WSB2: variants seen among roughly 807,000 people sequenced by gnomAD.
The protein encoded by WSB2 is WD repeat and SOCS box containing 2, also known as WD repeat and SOCS box-containing protein 2.
A neutral mutation model predicts 48.8 loss-of-function variants in WSB2; 12 were observed. The ratio of observed to expected loss-of-function variants is 0.25; its 90% CI spans 0.16 to 0.40. The LOEUF (loss-of-function observed/expected upper bound fraction) is 0.40. Ranked by LOEUF, WSB2 falls within the 10% of genes least tolerant of loss-of-function variation. The pLI is 1.00. For synonymous variants in WSB2, 191 were observed against 203.1 expected (o/e 0.94, Z 0.51); for missense variants, 317 against 506.2 (o/e 0.63, Z 3.59).
chr12:118,034,761 T>G, intron 8 of WSB2: 1 of 559,932 alleles, frequency 1.8e-6, no homozygotes, highest in Non-Finnish European at 3.1e-6. Context: ...ACTTGGCCCA[T>G]TAGGTGGCAT....
At chr12:118,036,909 C>T (rs2031524461) in intron 5 of WSB2, among the ~76,000 whole-genome samples, 3 of 152,172 alleles carry the variant, frequency 2.0e-5, no homozygotes, top group East Asian at 1.9e-4. Flanking sequence ...CGGCCAGGCA[C>T]GATGGCTCAT....
chr12:118,058,899 T>C (rs937905519), intron 1 of WSB2, among the ~76,000 whole-genome samples: 3 of 152,126 alleles, frequency 2.0e-5, no homozygotes, highest in African/African-American at 7.2e-5. Context: ...TTTCATTATG[T>C]TGGTGAGGCT....
intron 1 of WSB2, among the ~76,000 whole-genome samples, chr12:118,053,929 C>A (rs1406409789): frequency 6.6e-6 from 1 of 152,036 alleles, no homozygotes; most frequent in Admixed American, 6.6e-5. Flanking sequence ...TACATTTTGA[C>A]CTCGCTGAAA....
intron 1 of WSB2, among the ~76,000 whole-genome samples, chr12:118,052,819 C>T (rs1040527420): frequency 6.6e-6 from 1 of 152,070 alleles, no homozygotes; most frequent in African/African-American, 2.4e-5. Flanking sequence ...GATTATGGGG[C>T]CAAAATAGCA....
intron 2 of WSB2, among the ~76,000 whole-genome samples, chr12:118,049,465 G>A (rs953816981): frequency 7.3e-5 from 11 of 151,720 alleles, no homozygotes; most frequent in African/African-American, 1.2e-4. Flanking sequence ...GCAGTGGCGC[G>A]ATCTCAGCTC....
chr12:118,039,988 C>T (rs1358221188), intron 4 of WSB2, among the ~76,000 whole-genome samples: 4 of 151,912 alleles, frequency 2.6e-5, no homozygotes, highest in Admixed American at 6.6e-5. Flanking sequence ...TCGAGTGATC[C>T]GCCCGCCTTG....
chr12:118,038,397 A>C lies in WSB2; in HGVS notation c.560-9T>G. 1 of 1,612,824 alleles carries C rather than the reference A, an allele frequency of 6.2e-7. No homozygotes were observed. Among genetic ancestry groups the C allele is most frequent in the Non-Finnish European group, 8.5e-7 (1 of 1,179,140 alleles). On this transcript the variant is annotated splice_polypyrimidine_tract_variant and intron_variant, in intron 4 of 8. Coordinates refer to ENST00000315436, the MANE Select transcript of WSB2 (RefSeq NM_018639.5). ...CACTTGAATCTGTTTACCTGGCAGG[A>C]AAAAGAAGCAAACAATGAGCCAGTC... is the stretch of plus-strand genomic sequence containing the variant.
Position 118,033,966 on chromosome 12 carries a change from A to G in WSB2, c.*230T>C, listed in dbSNP as rs1241761658. The G allele has an allele frequency of 1.8e-6, 1 of 551,486 alleles. No homozygotes were observed. Among genetic ancestry groups the G allele is most frequent in the Non-Finnish European group, 3.2e-6 (1 of 311,664 alleles). The allele number at this position is 551,486 out of a possible 1,614,324, so 34.2% of individuals were successfully genotyped here. A position where few individuals can be genotyped will look rare whatever the true frequency, so the allele number is the denominator to read the frequency against. ...ATAACTGGACTGAAAATTTAACGTA[A>G]GGCTCTGTTGCCGTGCAAGTGGAAT... On this transcript the variant is annotated 3_prime_UTR_variant, in exon 9 of 9. Transcript: ENST00000315436.
chr12:118,034,441 G>T, intron 8 of WSB2, 83 bp from the exon 9 acceptor site: 2 of 1,528,540 alleles, frequency 1.3e-6, no homozygotes, highest in South Asian at 1.2e-5. Context: ...TTTCTGTTTT[G>T]ACTGCAAAGA....
At chr12:118,043,053 G>A (rs2031671910) in intron 3 of WSB2, 80 bp downstream of exon 3, 12 of 1,613,514 alleles carry the variant, frequency 7.4e-6, no homozygotes, top group East Asian at 2.2e-5. Flanking sequence ...CTTGGCCAAC[G>A]TGAGTGGGGC....
Position 118,050,643 on chromosome 12 carries a change from T to A in WSB2, c.182+1667A>T, listed in dbSNP as rs573487698. ...AACAGAGCAAGACCCTCTCTCTCTC[T>A]CAAAAAAAATAAATGAATAAAATAA... is the stretch of plus-strand genomic sequence containing the variant. On this transcript the variant is annotated intron_variant, in intron 2 of 8. Transcript: ENST00000315436. Among the ~76,000 whole-genome samples the A allele has an allele frequency of 7.8e-3, 1,185 of 151,504 alleles. 14 individuals carry two copies. The highest frequency in any genetic ancestry group is 0.026 in the African/African-American group (1,072 of 41,274).
chr12:118,046,829 T>C (rs1336565685), intron 2 of WSB2, among the ~76,000 whole-genome samples: 1 of 152,244 alleles, frequency 6.6e-6, no homozygotes, highest in African/African-American at 2.4e-5. Flanking sequence ...TGCAGTGCAG[T>C]GGTGTGACCA....
intron 2 of WSB2, among the ~76,000 whole-genome samples, chr12:118,050,110 G>C (rs559796035): frequency 6.6e-6 from 1 of 152,136 alleles, no homozygotes; most frequent in African/African-American, 2.4e-5. Context: ...TGAGGCAGGA[G>C]GGAAGTGGAG....
At position 118,049,153 on chromosome 12, in the gene WSB2, G is replaced by A. The variant is rs952624803; in HGVS notation, c.182+3157C>T. Among the ~76,000 whole-genome samples the A allele has an allele frequency of 3.9e-5, 6 of 152,278 alleles. No homozygotes were observed. In the East Asian group the frequency reaches 9.6e-4, roughly 24 times the overall value. On this transcript the variant is annotated intron_variant, in intron 2 of 8. Coordinates refer to ENST00000315436, the MANE Select transcript of WSB2 (RefSeq NM_018639.5). ...GTCTAGAAATGAAGGTGCATCCCTT[G>A]TATTTCAGGTAGGGAATTAGTAAAC... is the stretch of plus-strand genomic sequence containing the variant.
intron 2 of WSB2, 67 bp from the exon 3 acceptor site, chr12:118,043,444 G>A (rs2031682881): frequency 6.6e-7 from 1 of 1,506,670 alleles, no homozygotes; most frequent in Admixed American, 2.3e-5. Flanking sequence ...TTCATCCTGG[G>A]ACACGTAAGA....
At chr12:118,046,466 CAAA>C (rs57540760) in intron 2 of WSB2, among the ~76,000 whole-genome samples, 30 of 113,158 alleles carry the variant, frequency 2.7e-4, no homozygotes, top group South Asian at 2.6e-4. Flanking sequence ...GACTCCATCT[CAAA>C]AAAAAAAAAA....
upstream of WSB2, chr12:118,061,271 G>C (rs1234234891): frequency 2.5e-6 from 2 of 812,846 alleles, no homozygotes; most frequent in South Asian, 1.1e-4. Flanking sequence ...AAAACGGTGG[G>C]GGGCAGCTGA....
intron 4 of WSB2, 90 bp from the exon 5 acceptor site, chr12:118,038,478 G>C: frequency 8.3e-7 from 1 of 1,206,444 alleles, no homozygotes; most frequent in Non-Finnish European, 1.2e-6. Context: ...ACAGCCCCCA[G>C]CCCAGTATAC....
intron 2 of WSB2, among the ~76,000 whole-genome samples, chr12:118,050,769 C>T (rs189431530): frequency 3.9e-5 from 6 of 152,022 alleles, no homozygotes; most frequent in Admixed American, 6.6e-5. Context: ...AAAAGATGCT[C>T]GGCCAGGTGT....
Sources: allele counts gnomAD v4.1 joint callset (sites outside exome capture counted in the v4.1 genomes callset), GRCh38; gene constraint gnomAD v4.1.1; transcripts MANE v1.5; gene names NCBI Gene and HGNC (gene_info 2026-07-23, HGNC 2026-07-21).